The following TANC2 variants were observed in gnomAD, a reference collection of about 807,000 sequenced individuals.
The protein encoded by TANC2 is tetratricopeptide repeat, ankyrin repeat and coiled-coil containing 2, also known as protein TANC2.
In TANC2, 26 loss-of-function variants were observed where a neutral mutation model predicts 210.5. That is an observed-to-expected ratio of 0.12 (90% CI 0.09 to 0.17). The LOEUF is 0.17. TANC2 is among the 10% of genes least tolerant of loss of function. The probability of loss-of-function intolerance (pLI) is 1.00; values close to 1 mark genes in which losing one functional copy is unlikely to be tolerated. For missense variants in TANC2, 2,129 were observed against 2,608.9 expected, an observed-to-expected ratio of 0.82 and a Z score of 4.01; for synonymous variants, 931 against 967.1, an observed-to-expected ratio of 0.96 and a Z score of 0.69.
In TANC2 at chr17:63,361,516, C is replaced by T. The variant is rs545764516; in HGVS notation, c.2582+6126C>T. ...CTGCGGTTGTACCAAACATATTGCA[C>T]GCAGCTTCCACTGCAGGCAACCACG... On this transcript the variant is annotated intron_variant, in intron 14 of 27. Transcript: ENST00000689528. 3.9e-5 allele frequency among the ~76,000 whole-genome samples: 6 copies of T among 152,366 alleles called. No homozygotes were observed. The South Asian group carries it at 1.0e-3, about 26-fold the overall frequency.
At chr17:63,029,495 A>C (rs1370642818) in intron 2 of TANC2, among the ~76,000 whole-genome samples, 1 of 152,140 alleles carries the variant, frequency 6.6e-6, no homozygotes, top group Admixed American at 6.6e-5. Flanking sequence ...AAAATTAGAT[A>C]TAACTAGTTT....
At chr17:63,309,701 T>C (rs1394380873) in intron 9 of TANC2, among the ~76,000 whole-genome samples, 1 of 152,184 alleles carries the variant, frequency 6.6e-6, no homozygotes, top group Non-Finnish European at 1.5e-5. Context: ...TTTCTTATGG[T>C]AAATTTCAAA....
chr17:63,247,122 A>G (rs898288804), intron 8 of TANC2, among the ~76,000 whole-genome samples: 2 of 152,026 alleles, frequency 1.3e-5, no homozygotes, highest in Non-Finnish European at 2.9e-5. Flanking sequence ...GCACATTTTC[A>G]TATTGGGTTA....
chr17:63,418,058 GA>G lies in TANC2; in HGVS notation c.4168-245del, dbSNP rs1405836944. Among the ~76,000 whole-genome samples the G allele has an allele frequency of 3.3e-5, 5 of 152,190 alleles. No individual in the cohort carries two copies. The highest frequency in any genetic ancestry group is 6.5e-5 in the Admixed American group (1 of 15,284). Reference sequence around the variant, plus strand: ...ACTTTATTAGAAAGGCAAAAAGAGGGAAAATTAAAACTATTTTAATATTCTG... The same window carrying G: ...ACTTTATTAGAAAGGCAAAAAGAGGGAAATTAAAACTATTTTAATATTCTG... On this transcript the variant is annotated intron_variant, in intron 26 of 27. Coordinates refer to ENST00000689528, the Ensembl canonical transcript of TANC2. The surrounding 1 kb of genome is among the most constrained non-coding windows in gnomAD (Gnocchi z 4.6).
chr17:63,410,860 CAAAAAAAAAAAAAA>C lies in TANC2; in HGVS notation c.3590-635_3590-622del, dbSNP rs34268418. Reference sequence around the variant, plus strand: ...AGGGCAACGGAGCAAGACTCCATCTCAAAAAAAAAAAAAAAAAAAAAAAAAAAAAGAAGCAGAAG... The same window carrying C: ...AGGGCAACGGAGCAAGACTCCATCTCAAAAAAAAAAAAAAAGAAGCAGAAG... On this transcript the variant is annotated intron_variant, in intron 21 of 27. Transcript: ENST00000689528. Among the ~76,000 whole-genome samples, 11 of 39,014 alleles carry C rather than the reference CAAAAAAAAAAAAAA, an allele frequency of 2.8e-4. No individual in the cohort carries two copies. The East Asian group carries it at 4.8e-3, about 17-fold the overall frequency. The allele number at this position is 39,014 out of a possible 152,430, so 25.6% of individuals were successfully genotyped here. A position where few individuals can be genotyped will look rare whatever the true frequency, so the allele number is the denominator to read the frequency against.
chr17:63,310,912 T>C (rs890332293), intron 9 of TANC2, among the ~76,000 whole-genome samples: 1 of 152,210 alleles, frequency 6.6e-6, no homozygotes, highest in Non-Finnish European at 1.5e-5. Context: ...ATTTCACTTC[T>C]AGCATTTTGT....
chr17:63,338,735 G>T (rs2046121228), intron 11 of TANC2, among the ~76,000 whole-genome samples: 1 of 152,142 alleles, frequency 6.6e-6, no homozygotes, highest in African/African-American at 2.4e-5. Context: ...TTTCCATATT[G>T]TGCTCAGACT....
At chr17:62,989,015 AAT>A (rs1304179543) in intron 1 of TANC2, among the ~76,000 whole-genome samples, 1 of 152,256 alleles carries the variant, frequency 6.6e-6, no homozygotes, top group Non-Finnish European at 1.5e-5. Context: ...GTACTTGACG[AAT>A]ATGTTTACTT....
At chr17:62,982,675 A>G (rs2032363357) in intron 1 of TANC2, among the ~76,000 whole-genome samples, 1 of 152,130 alleles carries the variant, frequency 6.6e-6, no homozygotes, top group Non-Finnish European at 1.5e-5. Flanking sequence ...TAGGACCTCT[A>G]ATGCGTTGTT....
chr17:63,124,984 A>T (rs1436756462), intron 4 of TANC2: 5 of 152,230 alleles, frequency 3.3e-5, no homozygotes, highest in Non-Finnish European at 7.3e-5. Context: ...GGGACCACTG[A>T]TACATAGGAC....
Position 63,412,791 on chromosome 17 carries a change from G to A in TANC2, c.3928+82G>A. 6.8e-7 allele frequency: 1 copy of A among 1,480,626 alleles called. No homozygotes were observed. The highest frequency in any genetic ancestry group is 9.0e-7 in the Non-Finnish European group (1 of 1,107,324). 91.7% of individuals were successfully genotyped at this position (1,480,626 alleles called of 1,614,324 possible). On this transcript the variant is annotated intron_variant, in intron 24 of 27. Coordinates refer to ENST00000689528, the Ensembl canonical transcript of TANC2. The surrounding 1 kb of genome is among the most constrained non-coding windows in gnomAD (Gnocchi z 4.2). ...TTCTCCTCTTTGGTTTAGCCTGCAT[G>A]AGTTCCCTACACCTCTAATCTTTTA...
At chr17:63,224,844 A>C (rs911571083) in intron 7 of TANC2, among the ~76,000 whole-genome samples, 1 of 152,176 alleles carries the variant, frequency 6.6e-6, no homozygotes, top group African/African-American at 2.4e-5. Flanking sequence ...CACCACCATG[A>C]ATCTTCTGAC....
intron 2 of TANC2, among the ~76,000 whole-genome samples, chr17:63,018,403 C>A (rs1455830825): frequency 6.6e-6 from 1 of 151,576 alleles, no homozygotes. Flanking sequence ...ATTGCTTGAA[C>A]CTGAGAGGCA....
At chr17:63,333,462 T>C (rs1446845353) in intron 11 of TANC2, among the ~76,000 whole-genome samples, 1 of 152,214 alleles carries the variant, frequency 6.6e-6, no homozygotes, top group African/African-American at 2.4e-5. Context: ...CTATCATCTC[T>C]TGATAAAACT....
At chr17:63,290,564 A>G (rs1339380807) in intron 9 of TANC2, among the ~76,000 whole-genome samples, 3 of 152,206 alleles carry the variant, frequency 2.0e-5, no homozygotes, top group Admixed American at 6.5e-5. Context: ...TTTCAAGGCA[A>G]TAAGTGGGCA....
At chr17:63,413,729 C>A in intron 25 of TANC2, 95 bp downstream of exon 25, 1 of 1,170,920 alleles carries the variant, frequency 8.5e-7, no homozygotes, top group Non-Finnish European at 1.2e-6. Flanking sequence ...TCATCCTTTG[C>A]GTAGAGGCAA....
chr17:63,364,210 G>T (rs2047045304), intron 14 of TANC2, among the ~76,000 whole-genome samples: 1 of 152,112 alleles, frequency 6.6e-6, no homozygotes, highest in African/African-American at 2.4e-5. Flanking sequence ...TGTTCAATTT[G>T]CCAACACATT....
chr17:63,184,690 G>A (rs1186280103), intron 5 of TANC2, among the ~76,000 whole-genome samples: 2 of 138,830 alleles, frequency 1.4e-5, no homozygotes, highest in Non-Finnish European at 3.1e-5. Flanking sequence ...GTCTTGCTCT[G>A]TCGCCCATGC....
rs187354195 is a variant in TANC2, at chr17:63,360,511, A to G, written c.2582+5121A>G. ...TTTTTAATTTTTGTGGGTACATGGT[A>G]TATACATACATACATATATATATAT... On this transcript the variant is annotated intron_variant, in intron 14 of 27. Transcript: ENST00000689528. Among the ~76,000 whole-genome samples the G allele has an allele frequency of 5.8e-4, 88 of 152,310 alleles. No individual in the cohort carries two copies. The Middle Eastern group carries it at 0.017, about 29-fold the overall frequency.
Sources: allele counts gnomAD v4.1 joint callset (sites outside exome capture counted in the v4.1 genomes callset), GRCh38; gene constraint gnomAD v4.1.1; non-coding constraint Gnocchi (gnomAD v3.1); transcripts MANE v1.5; gene names NCBI Gene and HGNC (gene_info 2026-07-23, HGNC 2026-07-21).